ANO1: variants seen among roughly 807,000 people sequenced by gnomAD.
ANO1 encodes anoctamin 1.
Under a neutral mutation model 124.0 loss-of-function variants are expected in ANO1, and 59 were observed. The ratio of observed to expected loss-of-function variants is 0.48; its 90% CI spans 0.39 to 0.59. ANO1 has a LOEUF of 0.59. Among genes scored for constraint, ANO1 ranks in the 20% least tolerant of loss-of-function variants. The pLI is 0.00. For missense variants in ANO1, 1,059 were observed against 1,328.0 expected, an observed-to-expected ratio of 0.80 and a Z score of 3.15; for synonymous variants, 529 against 532.0, an observed-to-expected ratio of 0.99 and a Z score of 0.08.
rs1013699378 is a variant in ANO1, at chr11:70,161,618, C to T, written c.1781-4C>T. 6.2e-7 allele frequency: 1 copy of T among 1,613,890 alleles called. No individual in the cohort carries two copies. Among genetic ancestry groups the T allele is most frequent in the Non-Finnish European group, 8.5e-7 (1 of 1,179,786 alleles). ...CCTCAGTATCATCCTACCCCTCCCT[C>T]TAGAGGTCCCAAAGACGGAGAAAAG... is the stretch of plus-strand genomic sequence containing the variant. On this transcript the variant is annotated splice_polypyrimidine_tract_variant and splice_region_variant and intron_variant, in intron 17 of 25. Transcript: ENST00000355303.
At chr11:70,185,234 G>C (rs2049066780) in intron 24 of ANO1, among the ~76,000 whole-genome samples, 1 of 152,186 alleles carries the variant, frequency 6.6e-6, no homozygotes, top group South Asian at 2.1e-4. Flanking sequence ...GAGACCTTTT[G>C]GGAACAAAGG....
chr11:70,177,316 G>C (rs536139984), intron 22 of ANO1, among the ~76,000 whole-genome samples: 71 of 152,232 alleles, frequency 4.7e-4, no homozygotes, highest in Admixed American at 1.4e-3. Flanking sequence ...GTGAGACTAA[G>C]TCCTGGGAGT....
intron 12 of ANO1, among the ~76,000 whole-genome samples, chr11:70,150,173 C>T (rs903495215): frequency 7.2e-5 from 11 of 152,248 alleles, no homozygotes; most frequent in African/African-American, 2.6e-4. Flanking sequence ...CCATGGGTCT[C>T]CAAAAGTGGC....
At chr11:70,161,540 C>T (rs528997732) in intron 17 of ANO1, 82 bp from the exon 18 acceptor site, 58 of 1,485,010 alleles carry the variant, frequency 3.9e-5, no homozygotes, top group Non-Finnish European at 4.9e-5. Context: ...AGTGACTGTG[C>T]CAGTGGCCAG....
At chr11:70,133,260 G>A (rs981331268) in intron 11 of ANO1, among the ~76,000 whole-genome samples, 2 of 152,196 alleles carry the variant, frequency 1.3e-5, no homozygotes, top group East Asian at 1.9e-4. Flanking sequence ...ACCCGCCAGC[G>A]TGCTGATCCT....
At chr11:69,985,494 G>C (rs909320392), upstream of ANO1, among the ~76,000 whole-genome samples, 2 of 152,172 alleles carry the variant, frequency 1.3e-5, no homozygotes, top group East Asian at 3.9e-4. Flanking sequence ...TGGGGGAGGG[G>C]GCCAGGGCGC....
At chr11:70,135,681 AT>A (rs1322070277) in intron 11 of ANO1, among the ~76,000 whole-genome samples, 1 of 152,076 alleles carries the variant, frequency 6.6e-6, no homozygotes, top group Non-Finnish European at 1.5e-5. Flanking sequence ...GTGGTGTTTC[AT>A]TTTCTCCTTC....
intron 19 of ANO1, among the ~76,000 whole-genome samples, chr11:70,164,486 C>T (rs1050429485): frequency 8.5e-5 from 13 of 152,182 alleles, no homozygotes; most frequent in Admixed American, 2.0e-4. Context: ...ACACTCGTCC[C>T]GGGTCAGAAA....
At chr11:70,177,453 A>G (rs1273905666) in intron 22 of ANO1, among the ~76,000 whole-genome samples, 2 of 152,360 alleles carry the variant, frequency 1.3e-5, no homozygotes, top group East Asian at 3.9e-4. Flanking sequence ...GGGAGGCCTC[A>G]GCACAGACAG....
intron 11 of ANO1, 61 bp from the exon 12 acceptor site, chr11:70,149,649 T>TAAA (rs34756275): frequency 1.4e-4 from 188 of 1,381,252 alleles, no homozygotes; most frequent in African/African-American, 2.3e-4. Flanking sequence ...AAACTCTGTC[T>TAAA]AAAAAAAAAA....
intron 11 of ANO1, among the ~76,000 whole-genome samples, chr11:70,134,658 G>C (rs1309823933): frequency 1.3e-5 from 2 of 152,138 alleles, no homozygotes; most frequent in African/African-American, 2.4e-5. Context: ...CACGTGTACT[G>C]AGCACATGTG....
At chr11:70,143,469 C>G (rs1382601164) in intron 11 of ANO1, among the ~76,000 whole-genome samples, 1 of 152,060 alleles carries the variant, frequency 6.6e-6, no homozygotes, top group Admixed American at 6.6e-5. Flanking sequence ...AGGCAGCTAA[C>G]CTGATGGATG....
At chr11:70,141,122 A>T (rs534081217) in intron 11 of ANO1, among the ~76,000 whole-genome samples, 1 of 152,190 alleles carries the variant, frequency 6.6e-6, no homozygotes, top group African/African-American at 2.4e-5. Context: ...CTCTGTCCAA[A>T]CGTTCCCTCA....
Position 70,182,552 on chromosome 11 carries a change from C to T in ANO1, c.2454C>T (p.Leu818=). Residue 818 remains leucine, a synonymous_variant, in exon 24 of 26, where the codon CTC becomes CTT. Coordinates refer to ENST00000355303, the MANE Select transcript of ANO1 (RefSeq NM_018043.7). ...TSDFIPRLVY[L]YMYSKNGTMH... Reference sequence around the variant, plus strand: ...ACTTCATCCCGCGCCTGGTGTACCTCTACATGTACAGTAAGAACGGGACCA... The same window carrying T: ...ACTTCATCCCGCGCCTGGTGTACCTTTACATGTACAGTAAGAACGGGACCA... 11 of 1,612,826 alleles carry T rather than the reference C, an allele frequency of 6.8e-6. No individual in the cohort carries two copies. Among genetic ancestry groups the T allele is most frequent in the Non-Finnish European group, 9.3e-6 (11 of 1,179,362 alleles).
intron 1 of ANO1, among the ~76,000 whole-genome samples, chr11:70,084,184 C>T (rs930678785): frequency 6.6e-6 from 1 of 152,122 alleles, no homozygotes; most frequent in African/African-American, 2.4e-5. Flanking sequence ...CCCCTCGAGA[C>T]CCTGCATTCA....
intron 11 of ANO1, among the ~76,000 whole-genome samples, chr11:70,148,023 C>T (rs188780142): frequency 3.3e-5 from 5 of 152,288 alleles, no homozygotes; most frequent in South Asian, 2.1e-4. Context: ...TAGACAAACC[C>T]GTGCATCCTT....
chr11:70,113,121 C>T (rs569404467), intron 7 of ANO1, among the ~76,000 whole-genome samples: 5 of 152,126 alleles, frequency 3.3e-5, no homozygotes, highest in South Asian at 2.1e-4. Context: ...TACTCTTCCC[C>T]GCCCCACCCC....
At chr11:70,156,016 C>T (rs757669378) in intron 15 of ANO1, 28 bp downstream of exon 15, 15 of 1,473,970 alleles carry the variant, frequency 1.0e-5, no homozygotes, top group African/African-American at 2.9e-5. Context: ...GGGCAGCGCG[C>T]GTCTTGACTG....
At chr11:70,010,179 G>GTATGTGTGTGTACATATATATATATATA (rs1188271051) in intron 1 of ANO1, among the ~76,000 whole-genome samples, 1 of 83,776 alleles carries the variant, frequency 1.2e-5, no homozygotes, top group African/African-American at 4.7e-5. Context: ...GTGTGTGTGT[G>GTATGTGTGTGTACATATATATATATATA]TATATATATA....
Sources: gnomAD v4.1 joint callset for allele counts (sites outside exome capture counted in the v4.1 genomes callset) on GRCh38, gnomAD v4.1.1 for gene constraint, MANE v1.5 for transcripts, NCBI Gene and HGNC (gene_info 2026-07-23, HGNC 2026-07-21) for gene names.